NCF2: variants seen among roughly 807,000 people sequenced by gnomAD.
NCF2 encodes the protein neutrophil cytosol factor 2.
Under a neutral mutation model 70.9 loss-of-function variants are expected in NCF2, and 45 were observed. The ratio of observed to expected loss-of-function variants is 0.63; its 90% CI spans 0.50 to 0.81. NCF2 has a LOEUF of 0.81. Among genes scored for constraint, NCF2 ranks in the 40% least tolerant of loss-of-function variants. The pLI is 0.00. For synonymous variants in NCF2, 203 were observed against 233.6 expected, an observed-to-expected ratio of 0.87 and a Z score of 1.19; for missense variants, 522 against 631.6, an observed-to-expected ratio of 0.83 and a Z score of 1.86.
chr1:183,592,528 T>A (rs1673701499), upstream of NCF2, among the ~76,000 whole-genome samples: 1 of 152,194 alleles, frequency 6.6e-6, no homozygotes, highest in Non-Finnish European at 1.5e-5. Context: ...TTCTAGGATC[T>A]CTAGCACAGA....
the NCF2 span, among the ~76,000 whole-genome samples, chr1:183,600,416 ATCTC>A: frequency 6.6e-6 from 1 of 152,174 alleles, no homozygotes; most frequent in Non-Finnish European, 1.5e-5. Context: ...GACATGGGTA[ATCTC>A]TCTATTGGCC....
At chr1:183,599,709 G>A in the NCF2 span, among the ~76,000 whole-genome samples, 7 of 151,654 alleles carry the variant, frequency 4.6e-5, no homozygotes, top group East Asian at 3.9e-4. Flanking sequence ...GCACCACCAC[G>A]CCTGGCTAAT....
chr1:183,600,236 G>A, the NCF2 span, among the ~76,000 whole-genome samples: 4 of 152,308 alleles, frequency 2.6e-5, no homozygotes, highest in Middle Eastern at 6.8e-3. Context: ...ATTCTTAAAA[G>A]CAGTCCATCA....
At chr1:183,556,713 G>GAGAC (rs891186216) in intron 14 of NCF2, among the ~76,000 whole-genome samples, 4 of 152,072 alleles carry the variant, frequency 2.6e-5, no homozygotes, top group African/African-American at 9.7e-5. Flanking sequence ...GTATTTATTA[G>GAGAC]AGACAGGATC....
At chr1:183,576,412 G>T (rs910492273) in intron 3 of NCF2, among the ~76,000 whole-genome samples, 6 of 152,156 alleles carry the variant, frequency 3.9e-5, no homozygotes, top group Non-Finnish European at 7.3e-5. Context: ...GCTGTCATTG[G>T]CTTATTAGCA....
chr1:183,590,846 G>A (rs1000794727), upstream of NCF2: 17 of 172,436 alleles, frequency 9.9e-5, no homozygotes, highest in African/African-American at 3.8e-4. Flanking sequence ...CCACCTTCAA[G>A]CCAAAAACAG....
chr1:183,582,555 A>G (rs1199866778), intron 2 of NCF2, among the ~76,000 whole-genome samples: 1 of 152,218 alleles, frequency 6.6e-6, no homozygotes, highest in Non-Finnish European at 1.5e-5. Context: ...ATGCGTCCAG[A>G]GTCCACAGCT....
chr1:183,574,951 T>C (rs1450864810), intron 3 of NCF2, among the ~76,000 whole-genome samples: 2 of 152,222 alleles, frequency 1.3e-5, no homozygotes, highest in East Asian at 3.8e-4. Context: ...TGTGTTGTTT[T>C]AGTATGAGTT....
chr1:183,563,043 G>A lies in NCF2; in HGVS notation c.1290+152C>T. The A allele has an allele frequency of 5.4e-6, 4 of 740,046 alleles. No homozygotes were observed. In the South Asian group the frequency reaches 5.9e-5, roughly 11 times the overall value. 45.8% of individuals were successfully genotyped at this position (740,046 alleles called of 1,614,324 possible). A position where few individuals can be genotyped will look rare whatever the true frequency, so the allele number is the denominator to read the frequency against. The stretch of plus-strand genomic sequence containing the variant: ...CTGCTGCAAATGGGGTGAGGATGCA[G>A]GTAAAAGGGAGGCAGAGCTGTGACT... On this transcript the variant is annotated intron_variant, in intron 13 of 14. Coordinates refer to ENST00000367535, the MANE Select transcript of NCF2 (RefSeq NM_000433.4).
the NCF2 span, among the ~76,000 whole-genome samples, chr1:183,600,763 T>C: frequency 6.6e-6 from 1 of 152,118 alleles, no homozygotes; most frequent in Non-Finnish European, 1.5e-5. Flanking sequence ...GCAGATCATC[T>C]GACAGAAGAG....
intron 3 of NCF2, among the ~76,000 whole-genome samples, chr1:183,575,722 G>A (rs1442384079): frequency 1.3e-5 from 2 of 152,202 alleles, no homozygotes; most frequent in Admixed American, 6.5e-5. Flanking sequence ...CAGCTGCCAT[G>A]TCATGACAAG....
upstream of NCF2, among the ~76,000 whole-genome samples, chr1:183,591,871 A>G (rs571448413): frequency 1.3e-5 from 2 of 152,338 alleles, no homozygotes; most frequent in African/African-American, 4.8e-5. Flanking sequence ...CATGACAGTG[A>G]ATTATGACTT....
chr1:183,567,253 A>G lies in NCF2; in HGVS notation c.806T>C (p.Val269Ala), dbSNP rs1410652028. 1 of 1,614,004 alleles carries G rather than the reference A, an allele frequency of 6.2e-7. No homozygotes were observed. Among genetic ancestry groups the G allele is most frequent in the Non-Finnish European group, 8.5e-7 (1 of 1,180,028 alleles). Residue 269 changes from valine (V) to alanine (A), a missense_variant, in exon 8 of 15, where the codon GTC becomes GCC. By Grantham distance (64) the Val-to-Ala change is moderately conservative (BLOSUM62 0). Transcript: ENST00000367535. ...LQVMPGNIVF[V>A]LKKGNDNWAT... The stretch of plus-strand genomic sequence containing the variant: ...CCAGTTATCATTGCCCTTCTTCAAG[A>G]CAAAGACAATGTTCCCTGGCATGAC...
At chr1:183,601,191 C>T in the NCF2 span, among the ~76,000 whole-genome samples, 2 of 152,198 alleles carry the variant, frequency 1.3e-5, no homozygotes, top group African/African-American at 2.4e-5. Flanking sequence ...TCTGTCCCCT[C>T]CTCTTCTACG....
At chr1:183,592,901 G>A (rs900003668), upstream of NCF2, among the ~76,000 whole-genome samples, 8 of 152,024 alleles carry the variant, frequency 5.3e-5, no homozygotes, top group African/African-American at 1.7e-4. Flanking sequence ...TGTGCGACTC[G>A]TGCTAGTTCC....
intron 2 of NCF2, among the ~76,000 whole-genome samples, chr1:183,582,096 C>T (rs1384737112): frequency 2.0e-5 from 3 of 152,236 alleles, no homozygotes; most frequent in African/African-American, 4.8e-5. Context: ...AAGGGGGTTC[C>T]GCTTTGACAC....
intron 14 of NCF2, among the ~76,000 whole-genome samples, chr1:183,556,607 C>G (rs959013263): frequency 6.6e-6 from 1 of 152,212 alleles, no homozygotes. Context: ...TCTGGGCTTA[C>G]TGCAACCTCT....
Position 183,567,298 on chromosome 1 carries a change from T to C in NCF2, c.761A>G (p.Glu254Gly), listed in dbSNP as rs2102890834. Residue 254 changes from glutamate (E) to glycine (G), a missense_variant, in exon 8 of 15, where the codon GAG becomes GGG. By Grantham distance (98) the Glu-to-Gly change is moderately conservative. Coordinates refer to ENST00000367535, the MANE Select transcript of NCF2 (RefSeq NM_000433.4). ...AHRVLFGFVP[E>G]TKEELQVMPG... is the part of the protein sequence containing the mutation. ...CATGACCTGGAGCTCTTCTTTTGTC[T>C]CAGGCACAAACCCAAATAGCACACG... 1.9e-6 allele frequency: 3 copies of C among 1,614,162 alleles called. No individual in the cohort carries two copies. In the East Asian group the frequency reaches 6.7e-5, roughly 36 times the overall value.
chr1:183,589,307 A>G (rs903498153), intron 1 of NCF2, among the ~76,000 whole-genome samples: 1 of 152,226 alleles, frequency 6.6e-6, no homozygotes, highest in African/African-American at 2.4e-5. Flanking sequence ...TCCACGAGAC[A>G]TTAATAGTTT....
Sources: gnomAD v4.1 joint callset for allele counts (sites outside exome capture counted in the v4.1 genomes callset) on GRCh38, gnomAD v4.1.1 for gene constraint, MANE v1.5 for transcripts, NCBI Gene and HGNC (gene_info 2026-07-23, HGNC 2026-07-21) for gene names.